GRID1: variants seen among roughly 807,000 people sequenced by gnomAD.
The protein encoded by GRID1 is glutamate ionotropic receptor delta type subunit 1.
A neutral mutation model predicts 98.0 loss-of-function variants in GRID1; 28 were observed. The ratio of observed to expected loss-of-function variants is 0.29; its 90% CI spans 0.21 to 0.39. The LOEUF is 0.39. Among genes scored for constraint, GRID1 ranks in the 10% least tolerant of loss-of-function variants. The pLI is 1.00. For missense variants in GRID1, 1,111 were observed against 1,340.5 expected (o/e 0.83, Z 2.67); for synonymous variants, 553 against 538.5 (o/e 1.03, Z -0.37).
At chr10:86,048,463 T>C (rs1258970930) in intron 4 of GRID1, among the ~76,000 whole-genome samples, 1 of 152,178 alleles carries the variant, frequency 6.6e-6, no homozygotes, top group Non-Finnish European at 1.5e-5. Context: ...TACAGGCACT[T>C]GTCAGGGGAG....
rs1590163773 is a variant in GRID1, at chr10:85,622,947, G to A, written c.2194-2914C>T. Among the ~76,000 whole-genome samples, 5 of 152,320 alleles carry A rather than the reference G, an allele frequency of 3.3e-5. No individual in the cohort carries two copies. The East Asian group carries it at 9.7e-4, about 29-fold the overall frequency. On this transcript the variant is annotated intron_variant, in intron 13 of 15. Coordinates refer to ENST00000327946, the MANE Select transcript of GRID1 (RefSeq NM_017551.3). ...GAACTGGTAACAATATCCAGCACAA[G>A]TACATGCCTAGAGCTCCCTGTGCAT...
intron 2 of GRID1, among the ~76,000 whole-genome samples, chr10:86,223,240 C>T (rs1846285703): frequency 6.6e-6 from 1 of 152,166 alleles, no homozygotes; most frequent in African/African-American, 2.4e-5. Flanking sequence ...GTGCTCAGCT[C>T]CAGCCCTGCC....
intron 12 of GRID1, among the ~76,000 whole-genome samples, chr10:85,670,626 C>CTCATCTCAGGCCCTCCATCT (rs1841074352): frequency 6.6e-6 from 1 of 152,110 alleles, no homozygotes; most frequent in Non-Finnish European, 1.5e-5. Context: ...TTGAAGCCCC[C>CTCATCTCAGGCCCTCCATCT]TCATCTCAGG....
intron 5 of GRID1, among the ~76,000 whole-genome samples, chr10:85,912,383 C>A (rs1245108994): frequency 6.6e-6 from 1 of 152,232 alleles, no homozygotes; most frequent in Non-Finnish European, 1.5e-5. Flanking sequence ...CACAAAGCTT[C>A]CTCTGCGTGC....
chr10:85,891,795 C>A (rs1209457865), intron 5 of GRID1, among the ~76,000 whole-genome samples: 1 of 152,044 alleles, frequency 6.6e-6, no homozygotes, highest in African/African-American at 2.4e-5. Context: ...AAGCACCCAA[C>A]CATGTAAAAG....
chr10:85,992,617 G>T (rs182117032), intron 4 of GRID1, among the ~76,000 whole-genome samples: 35 of 151,830 alleles, frequency 2.3e-4, no homozygotes, highest in African/African-American at 7.2e-4. Flanking sequence ...AGGAGAGGTG[G>T]GGGGGGAACA....
intron 8 of GRID1, among the ~76,000 whole-genome samples, chr10:85,750,999 G>T (rs1453110182): frequency 6.6e-6 from 1 of 152,184 alleles, no homozygotes; most frequent in Non-Finnish European, 1.5e-5. Flanking sequence ...TAGGAATCTT[G>T]TAACAGTTGA....
chr10:85,641,767 G>T (rs1478441839), intron 13 of GRID1, among the ~76,000 whole-genome samples: 1 of 152,214 alleles, frequency 6.6e-6, no homozygotes, highest in Non-Finnish European at 1.5e-5. Flanking sequence ...GGGAGGCCAG[G>T]CCAGACCAGC....
chr10:86,003,335 C>T (rs531722914), intron 4 of GRID1, among the ~76,000 whole-genome samples: 1 of 152,314 alleles, frequency 6.6e-6, no homozygotes, highest in Admixed American at 6.5e-5. Flanking sequence ...ATGGGAGAGC[C>T]CATGAGGCAG....
At chr10:85,764,289 C>T (rs917785083) in intron 8 of GRID1, among the ~76,000 whole-genome samples, 1 of 152,184 alleles carries the variant, frequency 6.6e-6, no homozygotes, top group Admixed American at 6.5e-5. Flanking sequence ...CACAGAATCC[C>T]CCCGAGGAGT....
chr10:86,039,561 C>T (rs1255171491), intron 4 of GRID1, among the ~76,000 whole-genome samples: 2 of 152,088 alleles, frequency 1.3e-5, no homozygotes, highest in African/African-American at 4.8e-5. Flanking sequence ...GTTTTACCTG[C>T]TTGGTGAGAA....
intron 4 of GRID1, among the ~76,000 whole-genome samples, chr10:86,058,346 G>T (rs574372153): frequency 1.3e-5 from 2 of 152,246 alleles, no homozygotes; most frequent in East Asian, 3.9e-4. Flanking sequence ...TGACATGAGA[G>T]CTATCAAGTC....
intron 4 of GRID1, among the ~76,000 whole-genome samples, chr10:86,003,340 A>C (rs571693547): frequency 1.3e-5 from 2 of 152,370 alleles, no homozygotes; most frequent in African/African-American, 4.8e-5. Context: ...AGAGCCCATG[A>C]GGCAGCTGAC....
At chr10:86,053,441 T>A (rs1411283359) in intron 4 of GRID1, among the ~76,000 whole-genome samples, 5 of 151,792 alleles carry the variant, frequency 3.3e-5, no homozygotes, top group Non-Finnish European at 7.4e-5. Context: ...CACTGCAACC[T>A]CCGCCTCCCT....
chr10:86,350,285 T>C (rs114392668), intron 2 of GRID1, among the ~76,000 whole-genome samples: 27 of 152,190 alleles, frequency 1.8e-4, no homozygotes, highest in African/African-American at 6.3e-4. Context: ...TGGGGAGCCA[T>C]TGAAGGGTTT....
Position 85,600,543 on chromosome 10 carries a change from T to C in GRID1, c.*1730A>G, listed in dbSNP as rs1250029837. ...ATCAATAGGACTTTGTATTTCTCCA[T>C]GATCACAGAACCAGGCTCTCAGCTC... On this transcript the variant is annotated 3_prime_UTR_variant, in exon 16 of 16. Coordinates refer to ENST00000327946, the MANE Select transcript of GRID1 (RefSeq NM_017551.3). 2 of 152,242 alleles carry C rather than the reference T, an allele frequency of 1.3e-5. No individual in the cohort carries two copies. Among genetic ancestry groups the C allele is most frequent in the East Asian group, 3.9e-4 (2 of 5,194 alleles). The allele number at this position is 152,242 out of a possible 1,614,324, so 9.4% of individuals were successfully genotyped here.
intron 2 of GRID1, among the ~76,000 whole-genome samples, chr10:86,224,978 T>TC (rs2132031876): frequency 6.6e-6 from 1 of 152,222 alleles, no homozygotes; most frequent in East Asian, 1.9e-4. Context: ...CACTTCAGGG[T>TC]CCCCAAGGCA....
At chr10:85,972,084 C>T (rs1183242849) in intron 4 of GRID1, among the ~76,000 whole-genome samples, 1 of 151,956 alleles carries the variant, frequency 6.6e-6, no homozygotes, top group Non-Finnish European at 1.5e-5. Flanking sequence ...TGTTGCATGA[C>T]AGAAGCCAGA....
intron 8 of GRID1, among the ~76,000 whole-genome samples, chr10:85,787,568 G>A (rs1842440723): frequency 6.6e-6 from 1 of 152,058 alleles, no homozygotes; most frequent in Admixed American, 6.6e-5. Context: ...TGATGTCGTG[G>A]GTGTCTCCTG....
Sources: allele counts gnomAD v4.1 joint callset (sites outside exome capture counted in the v4.1 genomes callset), GRCh38; gene constraint gnomAD v4.1.1; transcripts MANE v1.5; gene names NCBI Gene and HGNC (gene_info 2026-07-23, HGNC 2026-07-21).